MTUS2: variants seen among roughly 807,000 people sequenced by gnomAD.
MTUS2 encodes the protein microtubule associated scaffold protein 2.
MTUS2 carries 40 observed loss-of-function variants against 114.1 expected under a neutral mutation model. The observed-to-expected ratio is 0.35, with a 90% CI of 0.27 to 0.46. The LOEUF is 0.46. Ranked by LOEUF, MTUS2 falls within the 20% of genes least tolerant of loss-of-function variation. The pLI is 1.00. For synonymous variants in MTUS2, 688 were observed against 672.0 expected, an observed-to-expected ratio of 1.02 and a Z score of -0.37; for missense variants, 1,679 against 1,705.4, an observed-to-expected ratio of 0.98 and a Z score of 0.27.
At chr13:28,839,564 A>G (rs1034131762) in intron 1 of MTUS2, among the ~76,000 whole-genome samples, 4 of 152,198 alleles carry the variant, frequency 2.6e-5, no homozygotes. Flanking sequence ...AAGATTAAGT[A>G]TCTCTAAAAT....
At chr13:28,849,281 A>T (rs1021640518) in intron 2 of MTUS2, among the ~76,000 whole-genome samples, 1 of 152,202 alleles carries the variant, frequency 6.6e-6, no homozygotes, top group Non-Finnish European at 1.5e-5. Context: ...TATTTCAAAG[A>T]TTCAAAGCAA....
chr13:28,991,553 A>G (rs1852289397), intron 2 of MTUS2, among the ~76,000 whole-genome samples: 1 of 152,022 alleles, frequency 6.6e-6, no homozygotes, highest in African/African-American at 2.4e-5. Flanking sequence ...TATTTTTAGT[A>G]GAGACGGGGT....
chr13:29,157,344 C>G (rs1892904888), intron 5 of MTUS2, among the ~76,000 whole-genome samples: 1 of 152,100 alleles, frequency 6.6e-6, no homozygotes, highest in Non-Finnish European at 1.5e-5. Context: ...GTAAGAGTCC[C>G]CAATTCTCCA....
At chr13:29,393,549 A>T (rs1873674773) in intron 8 of MTUS2, among the ~76,000 whole-genome samples, 1 of 152,200 alleles carries the variant, frequency 6.6e-6, no homozygotes, top group African/African-American at 2.4e-5. Context: ...TCAGGCAGCC[A>T]CCAACGCAGA....
intron 5 of MTUS2, among the ~76,000 whole-genome samples, chr13:29,269,200 T>G (rs1434833342): frequency 6.6e-6 from 1 of 152,212 alleles, no homozygotes; most frequent in Non-Finnish European, 1.5e-5. Context: ...CCATTTGTCC[T>G]TAGGTCAGAT....
chr13:29,079,180 T>C (rs1187553669), intron 4 of MTUS2, among the ~76,000 whole-genome samples: 2 of 152,218 alleles, frequency 1.3e-5, no homozygotes, highest in Non-Finnish European at 2.9e-5. Context: ...CTGAAAATGC[T>C]GTGCATTTTG....
intron 8 of MTUS2, among the ~76,000 whole-genome samples, chr13:29,389,335 A>G (rs9551666): frequency 3.1e-4 from 16 of 50,856 alleles, no homozygotes; most frequent in Admixed American, 8.9e-4. Flanking sequence ...GTGTGTATAT[A>G]TGTATGCACG....
intron 5 of MTUS2, among the ~76,000 whole-genome samples, chr13:29,274,182 C>A (rs923943621): frequency 6.6e-6 from 1 of 152,036 alleles, no homozygotes; most frequent in Non-Finnish European, 1.5e-5. Flanking sequence ...GTTGTGGTCT[C>A]GGCTTGCTGC....
At chr13:29,429,994 G>A (rs149982153) in intron 8 of MTUS2, among the ~76,000 whole-genome samples, 2,724 of 152,208 alleles carry the variant, frequency 0.018, 42 homozygotes, top group South Asian at 0.052. Context: ...TACTTCAGTG[G>A]ATTTGGCTTT....
intron 6 of MTUS2, among the ~76,000 whole-genome samples, chr13:29,321,918 G>C (rs2139673351): frequency 6.6e-6 from 1 of 152,180 alleles, no homozygotes; most frequent in East Asian, 1.9e-4. Context: ...AATTTATCAT[G>C]GGCAGCTTTC....
rs112329653 is a variant in MTUS2, at chr13:29,024,781, G to A, written c.83G>A (p.Ser28Asn). 333 of 1,613,966 alleles carry A rather than the reference G, an allele frequency of 2.1e-4. No homozygotes were observed. In the African/African-American group the frequency reaches 4.0e-3, roughly 19 times the overall value. Residue 28 changes from serine to asparagine, a missense_variant, in exon 3 of 16, where the codon AGC becomes AAC. By Grantham distance (46) the Ser-to-Asn change is conservative. Around this residue, in one of 3 missense-constraint regions of MTUS2, gnomAD observed 843 missense variants for 770.8 expected, o/e 1.09. Transcript: ENST00000612955. The part of the protein sequence containing the change: ...NRNAARNNNE[S>N]ILSLGDTNAN... ...AATGCAGCAAGAAATAATAATGAAA[G>A]CATCTTAAGTCTGGGAGATACGAAT...
At chr13:29,337,144 G>A (rs561212016) in intron 7 of MTUS2, among the ~76,000 whole-genome samples, 1 of 152,004 alleles carries the variant, frequency 6.6e-6, no homozygotes, top group Non-Finnish European at 1.5e-5. Context: ...CTTTCCAGGG[G>A]GGTGAACAGT....
At chr13:29,355,583 G>C (rs549129246) in intron 7 of MTUS2, among the ~76,000 whole-genome samples, 1 of 152,344 alleles carries the variant, frequency 6.6e-6, no homozygotes, top group East Asian at 1.9e-4. Flanking sequence ...GATTGCCTGA[G>C]GGCAAGGACT....
At chr13:29,347,599 C>G in intron 7 of MTUS2, among the ~76,000 whole-genome samples, 1 of 151,888 alleles carries the variant, frequency 6.6e-6, no homozygotes, top group Non-Finnish European at 1.5e-5. Flanking sequence ...CCACACCAAG[C>G]AATTATCCAC....
chr13:28,866,644 C>A (rs574968815), intron 2 of MTUS2, among the ~76,000 whole-genome samples: 1 of 151,970 alleles, frequency 6.6e-6, no homozygotes, highest in Admixed American at 6.6e-5. Flanking sequence ...CTTAAAGATG[C>A]CTTTGTATAA....
chr13:28,941,576 C>T (rs1374652159), intron 2 of MTUS2, among the ~76,000 whole-genome samples: 1 of 151,416 alleles, frequency 6.6e-6, no homozygotes, highest in Non-Finnish European at 1.5e-5. Flanking sequence ...TTTAGCTTAA[C>T]AGAAGATATA....
intron 5 of MTUS2, among the ~76,000 whole-genome samples, chr13:29,185,362 G>T (rs1034795747): frequency 3.0e-4 from 46 of 152,120 alleles, no homozygotes; most frequent in African/African-American, 1.0e-3. Context: ...CAGAAAGAAT[G>T]CTTGAAGAAA....
At chr13:29,140,381 A>G (rs1454001810) in intron 5 of MTUS2, among the ~76,000 whole-genome samples, 1 of 152,180 alleles carries the variant, frequency 6.6e-6, no homozygotes, top group Non-Finnish European at 1.5e-5. Context: ...CTGCTTACAA[A>G]CAGTTGTGGC....
intron 2 of MTUS2, among the ~76,000 whole-genome samples, chr13:28,959,936 A>G (rs1397343280): frequency 6.6e-6 from 1 of 152,248 alleles, no homozygotes; most frequent in Non-Finnish European, 1.5e-5. Flanking sequence ...AGGAGTCAGC[A>G]TCTCATAACA....
Sources: gnomAD v4.1 joint callset for allele counts (sites outside exome capture counted in the v4.1 genomes callset) on GRCh38, gnomAD v4.1.1 for gene constraint, gnomAD v4.1.1 regional missense constraint, MANE v1.5 for transcripts, NCBI Gene and HGNC (gene_info 2026-07-23, HGNC 2026-07-21) for gene names.